Variants in FHIT observed in about 807,000 individuals in gnomAD.
FHIT encodes the protein fragile histidine triad diadenosine triphosphatase.
A neutral mutation model predicts 17.9 loss-of-function variants in FHIT; 19 were observed. The ratio of observed to expected loss-of-function variants is 1.06; its 90% CI spans 0.74 to 1.56. The LOEUF (loss-of-function observed/expected upper bound fraction) is 1.56, where lower values mean the gene tolerates loss of function less well. FHIT is among the 40% of genes most tolerant of loss of function. FHIT has a pLI of 0.00. For synonymous variants in FHIT, 81 were observed against 69.7 expected, an observed-to-expected ratio of 1.16 and a Z score of -0.81; for missense variants, 248 against 189.2, an observed-to-expected ratio of 1.31 and a Z score of -1.82.
intron 5 of FHIT, among the ~76,000 whole-genome samples, chr3:60,352,517 T>C (rs79064734): frequency 6.6e-6 from 1 of 152,096 alleles, no homozygotes. Flanking sequence ...AATTTTTTTT[T>C]AAGAGATGGA....
chr3:60,668,048 C>T (rs1453001161), intron 4 of FHIT, among the ~76,000 whole-genome samples: 1 of 151,892 alleles, frequency 6.6e-6, no homozygotes, highest in African/African-American at 2.4e-5. Flanking sequence ...AAGAGGCTTC[C>T]TAGAATTGGC....
intron 7 of FHIT, among the ~76,000 whole-genome samples, chr3:60,004,802 T>C (rs1002305360): frequency 7.2e-5 from 11 of 152,196 alleles, no homozygotes; most frequent in Non-Finnish European, 1.5e-4. Flanking sequence ...TATTAATGCC[T>C]ACTTTTGCAG....
rs370444011 is a variant in FHIT at position 60,604,295 on chromosome 3, G to A, written c.-17-67316C>T. Reference sequence around the variant, plus strand: ...AGTGAGGGGAATCCAGGGTAGAGCAGGACTCCGACCAAGAAGATATAAAGG... The same window carrying A: ...AGTGAGGGGAATCCAGGGTAGAGCAAGACTCCGACCAAGAAGATATAAAGG... On this transcript the variant is annotated intron_variant, in intron 4 of 9. Transcript: ENST00000492590. Among the ~76,000 whole-genome samples the A allele has an allele frequency of 2.9e-4, 44 of 152,240 alleles. No individual in the cohort carries two copies. The South Asian group carries it at 8.5e-3, about 29-fold the overall frequency.
At chr3:59,977,458 T>G (rs188574460) in intron 7 of FHIT, among the ~76,000 whole-genome samples, 85 of 152,266 alleles carry the variant, frequency 5.6e-4, no homozygotes, top group African/African-American at 2.0e-3. Context: ...ACAACCCTAG[T>G]AGAAGAATCC....
intron 4 of FHIT, chr3:60,690,535 C>CA: frequency 3.6e-6 from 2 of 558,160 alleles, no homozygotes; most frequent in Non-Finnish European, 3.6e-6. Flanking sequence ...ACCACCCTGA[C>CA]ATACAAACCC....
At chr3:60,198,124 A>G (rs1048778615) in intron 5 of FHIT, among the ~76,000 whole-genome samples, 1 of 104,908 alleles carries the variant, frequency 9.5e-6, no homozygotes, top group Non-Finnish European at 1.9e-5. Context: ...CTTTTCAAAT[A>G]AAGTTTAGAT....
intron 5 of FHIT, among the ~76,000 whole-genome samples, chr3:60,466,877 A>T (rs1348434370): frequency 2.0e-5 from 3 of 147,656 alleles, no homozygotes; most frequent in Middle Eastern, 3.5e-3. Context: ...TCAGGGTGAT[A>T]CTAGCCTCCT....
intron 4 of FHIT, among the ~76,000 whole-genome samples, chr3:60,553,117 C>A (rs2036615157): frequency 6.6e-6 from 1 of 152,102 alleles, no homozygotes; most frequent in African/African-American, 2.4e-5. Context: ...AAATAATTAT[C>A]TTGCTTTTAT....
At chr3:60,847,426 T>A (rs1553746873) in intron 3 of FHIT, among the ~76,000 whole-genome samples, 1 of 152,194 alleles carries the variant, frequency 6.6e-6, no homozygotes, top group East Asian at 1.9e-4. Context: ...CACTTCTTTA[T>A]GCTTGGATCA....
At chr3:59,862,095 A>G (rs1702432238) in intron 8 of FHIT, among the ~76,000 whole-genome samples, 1 of 152,174 alleles carries the variant, frequency 6.6e-6, no homozygotes, top group Non-Finnish European at 1.5e-5. Flanking sequence ...TCATTTTTAC[A>G]CTGCTATGAA....
intron 1 of FHIT, among the ~76,000 whole-genome samples, chr3:61,208,451 G>A (rs1183092469): frequency 6.6e-6 from 1 of 152,018 alleles, no homozygotes; most frequent in Non-Finnish European, 1.5e-5. Context: ...GGGAGTCTAA[G>A]TCTCTTTGTA....
At chr3:61,216,472 A>G (rs181638352) in intron 1 of FHIT, among the ~76,000 whole-genome samples, 1 of 152,258 alleles carries the variant, frequency 6.6e-6, no homozygotes, top group Non-Finnish European at 1.5e-5. Context: ...TAGAATGGCA[A>G]TCATTAAAAA....
intron 7 of FHIT, among the ~76,000 whole-genome samples, chr3:59,981,705 C>G (rs1324280149): frequency 6.6e-6 from 1 of 152,068 alleles, no homozygotes; most frequent in Non-Finnish European, 1.5e-5. Flanking sequence ...CTCTCGAATG[C>G]TAAATGGTCA....
intron 1 of FHIT, among the ~76,000 whole-genome samples, chr3:61,230,831 T>A (rs2040081497): frequency 6.6e-6 from 1 of 152,234 alleles, no homozygotes; most frequent in African/African-American, 2.4e-5. Context: ...CCTCTGAAAT[T>A]CTAAAGTTTT....
chr3:59,821,343 C>T (rs1400060043), intron 8 of FHIT, among the ~76,000 whole-genome samples: 1 of 152,174 alleles, frequency 6.6e-6, no homozygotes, highest in Non-Finnish European at 1.5e-5. Context: ...CTTTGTTGGG[C>T]TCATGTCGGG....
At chr3:60,352,398 C>G (rs558348895) in intron 5 of FHIT, among the ~76,000 whole-genome samples, 1 of 152,322 alleles carries the variant, frequency 6.6e-6, no homozygotes, top group East Asian at 1.9e-4. Flanking sequence ...CAGGTACTCA[C>G]TATACCCAGA....
intron 5 of FHIT, among the ~76,000 whole-genome samples, chr3:60,270,859 C>T (rs372057705): frequency 1.3e-5 from 2 of 152,298 alleles, no homozygotes; most frequent in South Asian, 4.1e-4. Flanking sequence ...AAAGCCATAT[C>T]TGCTGTTAAA....
At chr3:59,933,155 T>G (rs1300121082) in intron 7 of FHIT, among the ~76,000 whole-genome samples, 1 of 152,160 alleles carries the variant, frequency 6.6e-6, no homozygotes, top group Non-Finnish European at 1.5e-5. Context: ...TTGAAAGATG[T>G]GAATGAGGCA....
intron 5 of FHIT, among the ~76,000 whole-genome samples, chr3:60,341,891 T>C (rs1478492052): frequency 1.3e-5 from 2 of 152,204 alleles, no homozygotes. Flanking sequence ...CAGAATTTTG[T>C]TCCTTAGTTC....
Sources: allele counts gnomAD v4.1 joint callset (sites outside exome capture counted in the v4.1 genomes callset), GRCh38; gene constraint gnomAD v4.1.1; transcripts MANE v1.5; gene names NCBI Gene and HGNC (gene_info 2026-07-23, HGNC 2026-07-21).